PAK3: variants seen among roughly 807,000 people sequenced by gnomAD.
The protein encoded by PAK3 is p21 (RAC1) activated kinase 3.
In PAK3, 4 loss-of-function variants were observed where a neutral mutation model predicts 41.0. That is an observed-to-expected ratio of 0.10 (90% CI 0.05 to 0.22). The LOEUF (loss-of-function observed/expected upper bound fraction) is 0.22. Ranked by LOEUF, PAK3 falls within the 10% of genes least tolerant of loss-of-function variation. The pLI, the probability that PAK3 is intolerant of heterozygous loss-of-function variation, is 1.00. For synonymous variants in PAK3, 146 were observed against 139.6 expected (o/e 1.05, Z -0.32); for missense variants, 205 against 409.9 (o/e 0.50, Z 4.32).
At chrX:111,053,117 A>G (rs1158108856) in intron 1 of PAK3, among the ~76,000 whole-genome samples, 5 of 111,751 alleles carry the variant, frequency 4.5e-5, no homozygotes, top group African/African-American at 1.6e-4. Flanking sequence ...GGGTTTCTGA[A>G]GCCAGGCCTT....
chrX:111,090,923 T>C (rs919509247), intron 1 of PAK3, among the ~76,000 whole-genome samples: 2 of 112,142 alleles, frequency 1.8e-5, no homozygotes, highest in African/African-American at 6.5e-5. Context: ...ACTCTGCAGG[T>C]TGGACTTAGG....
chrX:111,073,378 A>G (rs2092760811), intron 1 of PAK3, among the ~76,000 whole-genome samples: 1 of 112,011 alleles, frequency 8.9e-6, no homozygotes, highest in Non-Finnish European at 1.9e-5. Flanking sequence ...AAAAATCAGT[A>G]CAGATACAAA....
intron 11 of PAK3, among the ~76,000 whole-genome samples, chrX:111,175,123 T>C (rs2094391340): frequency 8.9e-6 from 1 of 111,740 alleles, no homozygotes; most frequent in Admixed American, 9.5e-5. Flanking sequence ...AGTTGGCTTT[T>C]AGATTTCATT....
At chrX:110,971,786 T>C (rs888498569) in intron 1 of PAK3, among the ~76,000 whole-genome samples, 5 of 112,298 alleles carry the variant, frequency 4.5e-5, no homozygotes, top group Non-Finnish European at 7.5e-5. Flanking sequence ...CTATGTTTTC[T>C]TCTAAAAATT....
At chrX:111,012,305 G>A (rs1045654443) in intron 1 of PAK3, among the ~76,000 whole-genome samples, 7 of 111,702 alleles carry the variant, frequency 6.3e-5, no homozygotes, top group Non-Finnish European at 9.4e-5. Context: ...AATAATCAAC[G>A]TATGACCCAT....
rs190573679 is a variant in PAK3 at position 111,223,442 on chromosome X, G to A, written c.*2995G>A. 1.4e-4 allele frequency: 15 copies of A among 107,475 alleles called. No homozygotes were observed. The highest frequency in any genetic ancestry group is 2.1e-4 in the Non-Finnish European group (11 of 52,104). The allele number at this position is 107,475 out of a possible 1,213,427, so 8.9% of individuals were successfully genotyped here. A position where few individuals can be genotyped will look rare whatever the true frequency, so the allele number is the denominator to read the frequency against. ...TAATGACTTCGTTCTTGCTGATCTC[G>A]TGTGTGTGTCATTGTAAATATTTGT... On this transcript the variant is annotated 3_prime_UTR_variant, in exon 18 of 18. Coordinates refer to ENST00000372007, the MANE Select transcript of PAK3 (RefSeq NM_002578.5).
intron 1 of PAK3, among the ~76,000 whole-genome samples, chrX:111,070,182 G>A (rs2092731683): frequency 9.0e-6 from 1 of 111,251 alleles, no homozygotes; most frequent in South Asian, 3.8e-4. Flanking sequence ...CCAGGGTAGG[G>A]TAGTTGCACC....
At position 111,122,551 on chromosome X, in the gene PAK3, A is replaced by G. The variant is rs3813180; in HGVS notation, c.-27-526A>G. Among the ~76,000 whole-genome samples, 228 of 111,222 alleles carry G rather than the reference A, an allele frequency of 2.0e-3. 4 individuals are homozygous for G. In the East Asian group the frequency reaches 0.046, roughly 22 times the overall value. ...TGGGATGGTTTCTCGGTTAATTATC[A>G]TAAAAACAGGAGAGTGCATTTTGTG... On this transcript the variant is annotated intron_variant, in intron 4 of 17. Coordinates refer to ENST00000372007, the MANE Select transcript of PAK3 (RefSeq NM_002578.5).
chrX:111,165,161 G>A (rs970468388), intron 10 of PAK3, among the ~76,000 whole-genome samples: 2 of 111,860 alleles, frequency 1.8e-5, no homozygotes, highest in Non-Finnish European at 3.8e-5. Flanking sequence ...TGAGGCATTT[G>A]AGTTAGATGC....
rs756023136 is a variant in PAK3, at chrX:110,947,916, G to A, written c.-28+3288G>A. ...AATCATCACTCTCACTGACTGTGATGGTGTGATGACAACTAAGATAATATC... is the reference window on the plus strand; with the variant it reads ...AATCATCACTCTCACTGACTGTGATAGTGTGATGACAACTAAGATAATATC... On this transcript the variant is annotated intron_variant, in intron 1 of 14. Transcript: ENST00000425146. 8.9e-5 allele frequency among the ~76,000 whole-genome samples: 10 copies of A among 111,987 alleles called. No homozygotes were observed. In the East Asian group the frequency reaches 2.8e-3, roughly 31 times the overall value.
intron 11 of PAK3, among the ~76,000 whole-genome samples, chrX:111,189,639 T>A (rs1203080916): frequency 8.9e-6 from 1 of 111,996 alleles, no homozygotes; most frequent in African/African-American, 3.2e-5. Context: ...AGATGGTGTC[T>A]CTTTGTGGTT....
intron 1 of PAK3, among the ~76,000 whole-genome samples, chrX:111,012,190 T>C (rs891305276): frequency 2.7e-5 from 3 of 111,902 alleles, no homozygotes; most frequent in African/African-American, 9.7e-5. Flanking sequence ...AATTTACTTA[T>C]GGAAAAATTG....
chrX:111,091,898 AGCT>A (rs2092932601), upstream of PAK3, among the ~76,000 whole-genome samples: 1 of 111,647 alleles, frequency 9.0e-6, no homozygotes, highest in Non-Finnish European at 1.9e-5. Context: ...TTTTTAGTGC[AGCT>A]GCTGTAGCAA....
chrX:111,197,322 A>G (rs981873405), intron 16 of PAK3, among the ~76,000 whole-genome samples: 1 of 111,938 alleles, frequency 8.9e-6, no homozygotes, highest in Non-Finnish European at 1.9e-5. Flanking sequence ...TATCCAATCC[A>G]CTGTTGATGG....
intron 1 of PAK3, among the ~76,000 whole-genome samples, chrX:111,029,466 T>C (rs925375857): frequency 1.8e-5 from 2 of 112,101 alleles, no homozygotes; most frequent in Non-Finnish European, 3.8e-5. Flanking sequence ...GTATTTTGTA[T>C]GTTATATGCA....
At position 111,220,945 on chromosome X, in the gene PAK3, C is replaced by CAAAAAAAAAA; in HGVS notation, c.*506_*515dup. 6.1e-5 allele frequency: 3 copies of CAAAAAAAAAA among 49,412 alleles called. No individual in the cohort carries two copies. Among genetic ancestry groups the CAAAAAAAAAA allele is most frequent in the African/African-American group, 1.7e-4 (2 of 11,731 alleles). The allele number at this position is 49,412 out of a possible 1,213,427, so 4.1% of individuals were successfully genotyped here. On this transcript the variant is annotated 3_prime_UTR_variant, in exon 18 of 18. Coordinates refer to ENST00000372007, the MANE Select transcript of PAK3 (RefSeq NM_002578.5). ...AAAAAAGAAAGCAAAAAAAGCAAGGCAAAAAAAAAAAAAAAAACAAACAAA... is the reference window on the plus strand; with the variant it reads ...AAAAAAGAAAGCAAAAAAAGCAAGGCAAAAAAAAAAAAAAAAAAAAAAAAAAACAAACAAA...
At position 110,972,620 on chromosome X, in the gene PAK3, A is replaced by G. The variant is rs1333995333; in HGVS notation, c.-28+27992A>G. ...AAAATGGGGAGAAACCAGAGCAGAA[A>G]GGGGGAAAATTCTAAAAATCAGAGT... On this transcript the variant is annotated intron_variant, in intron 1 of 14. Coordinates refer to the PAK3 transcript ENST00000425146. Among the ~76,000 whole-genome samples the G allele has an allele frequency of 3.6e-5, 4 of 112,119 alleles. No homozygotes were observed. The Admixed American group carries it at 3.8e-4, about 11-fold the overall frequency.
chrX:111,037,439 A>G (rs2092411662), intron 1 of PAK3, among the ~76,000 whole-genome samples: 1 of 111,496 alleles, frequency 9.0e-6, no homozygotes, highest in African/African-American at 3.3e-5. Flanking sequence ...TTCCTTGTTC[A>G]TTCAAAAAGT....
chrX:111,096,639 C>T (rs1256217453), intron 1 of PAK3: 1 of 110,821 alleles, frequency 9.0e-6, no homozygotes, highest in Non-Finnish European at 1.9e-5. Context: ...AGGGCCGTTC[C>T]CAGAGGGCCG....
Sources: gnomAD v4.1 joint callset for allele counts (sites outside exome capture counted in the v4.1 genomes callset) on GRCh38, gnomAD v4.1.1 for gene constraint, MANE v1.5 for transcripts, NCBI Gene and HGNC (gene_info 2026-07-23, HGNC 2026-07-21) for gene names.